The following MYL4 variants were observed in gnomAD, a reference collection of about 807,000 sequenced individuals.
MYL4 encodes atrial myosin light chain 1.
A neutral mutation model predicts 21.6 loss-of-function variants in MYL4; 16 were observed. The observed-to-expected ratio is 0.74, with a 90% CI of 0.50 to 1.12. The LOEUF is 1.12. MYL4 is among the 50% of genes most tolerant of loss of function. MYL4 has a pLI of 0.00. For synonymous variants in MYL4, 82 were observed against 95.7 expected (o/e 0.86, Z 0.83); for missense variants, 249 against 252.9 (o/e 0.98, Z 0.11).
chr17:47,214,856 G>T (rs567248235), intron 2 of MYL4, among the ~76,000 whole-genome samples: 1 of 151,978 alleles, frequency 6.6e-6, no homozygotes, highest in Non-Finnish European at 1.5e-5. Flanking sequence ...TACAGTATTT[G>T]GATATCTTTT....
rs2064842715 is a variant in MYL4, at chr17:47,219,951, A to G, written c.211A>G (p.Met71Val). ...SLFDRTPTGE[M>V]KITYGQCGDV... ...GTTTGACCGGACCCCGACTGGAGAG[A>G]TGAAGATCACCTACGGCCAGTGCGG... The change falls in exon 3 of 7, where the codon ATG (methionine) becomes GTG (valine). Residue 71 changes from methionine (M) to valine (V), a missense_variant. Physicochemically the swap from Met to Val is conservative, Grantham distance 21 (BLOSUM62 1). Coordinates refer to ENST00000393450, the MANE Select transcript of MYL4 (RefSeq NM_002476.2). 1 of 1,614,192 alleles carries G rather than the reference A, an allele frequency of 6.2e-7. No homozygotes were observed. Among genetic ancestry groups the G allele is most frequent in the East Asian group, 2.2e-5 (1 of 44,874 alleles).
chr17:47,190,390 C>G, the MYL4 span, among the ~76,000 whole-genome samples: 4 of 152,158 alleles, frequency 2.6e-5, no homozygotes, highest in Admixed American at 1.3e-4. Flanking sequence ...CCTTCTCCCC[C>G]CAAAAAGAGT....
chr17:47,225,874 T>C (rs1295203742), downstream of MYL4, among the ~76,000 whole-genome samples: 1 of 143,344 alleles, frequency 7.0e-6, no homozygotes, highest in Non-Finnish European at 1.5e-5. Context: ...TTTTTTTTTT[T>C]TGGTTTTTTA....
intron 3 of MYL4, among the ~76,000 whole-genome samples, chr17:47,221,157 G>A (rs770035329): frequency 6.6e-6 from 1 of 152,208 alleles, no homozygotes; most frequent in Non-Finnish European, 1.5e-5. Context: ...CTATTCACAA[G>A]AGAACTGTGA....
the MYL4 span, among the ~76,000 whole-genome samples, chr17:47,190,122 C>T: frequency 6.6e-6 from 1 of 152,136 alleles, no homozygotes; most frequent in African/African-American, 2.4e-5. Flanking sequence ...CATGGAAAAG[C>T]TCAATAGGCC....
chr17:47,223,704 T>G (rs906742121), downstream of MYL4: 5 of 152,322 alleles, frequency 3.3e-5, no homozygotes, highest in African/African-American at 7.2e-5. Context: ...GTTTGTTTTT[T>G]TAAAACTAAT....
At chr17:47,215,985 C>T (rs1327061639) in intron 2 of MYL4, among the ~76,000 whole-genome samples, 1 of 151,998 alleles carries the variant, frequency 6.6e-6, no homozygotes, top group African/African-American at 2.4e-5. Context: ...CGCTATTTTG[C>T]CCAGACTGGA....
At chr17:47,221,889 G>A (rs1224955151) in intron 4 of MYL4, 34 bp downstream of exon 4, 2 of 1,596,948 alleles carry the variant, frequency 1.3e-6, no homozygotes, top group East Asian at 2.2e-5. Context: ...AGACCAAGTG[G>A]GAGGAATGGA....
chr17:47,210,834 G>A (rs1454175060), intron 1 of MYL4, among the ~76,000 whole-genome samples: 1 of 152,114 alleles, frequency 6.6e-6, no homozygotes, highest in Non-Finnish European at 1.5e-5. Context: ...GAAAACACCT[G>A]CAGGTTTTCT....
At chr17:47,222,632 G>A (rs1156331421) in intron 5 of MYL4, among the ~76,000 whole-genome samples, 175 bp downstream of exon 5, 1 of 152,118 alleles carries the variant, frequency 6.6e-6, no homozygotes, top group Non-Finnish European at 1.5e-5. Context: ...AATGGCGGGA[G>A]CATGGATTTT....
intron 1 of MYL4, among the ~76,000 whole-genome samples, chr17:47,203,493 A>T (rs570456400): frequency 5.3e-5 from 8 of 152,064 alleles, no homozygotes; most frequent in African/African-American, 1.9e-4. Flanking sequence ...CTTGTTTTTT[A>T]AAAATATTTT....
At chr17:47,201,914 A>T (rs2064711063) in intron 1 of MYL4, among the ~76,000 whole-genome samples, 1 of 152,162 alleles carries the variant, frequency 6.6e-6, no homozygotes, top group African/African-American at 2.4e-5. Flanking sequence ...TAAAAATTTT[A>T]ATAATATTTA....
upstream of MYL4, among the ~76,000 whole-genome samples, chr17:47,197,286 G>A: frequency 1.3e-5 from 2 of 151,946 alleles, 1 homozygote; most frequent in East Asian, 3.8e-4. Context: ...TTTGAGTAGA[G>A]ATAGGGTTTC....
At position 47,222,852 on chromosome 17, in the gene MYL4, C is replaced by T. The variant is rs4968309; in HGVS notation, c.566-162C>T. Among the ~76,000 whole-genome samples, 95,636 of 151,828 alleles carry T rather than the reference C, an allele frequency of 0.63. 30,922 individuals carry two copies. The highest frequency in any genetic ancestry group is 0.85 in the East Asian group (4,365 of 5,142). On this transcript the variant is annotated intron_variant, in intron 5 of 6. Transcript: ENST00000393450. ...GCAGAGTCTAGGTATCTGCCCTCCA[C>T]CCACCTTCTCCCCACCAACCCCCAA...
At chr17:47,219,833 G>A (rs771211142) in intron 2 of MYL4, 71 bp from the exon 3 acceptor site, 1 of 1,580,104 alleles carries the variant, frequency 6.3e-7, no homozygotes, top group Non-Finnish European at 8.7e-7. Flanking sequence ...CAGCTTGGGT[G>A]GAGGCTGATT....
chr17:47,218,041 C>CAA (rs1200148257), intron 2 of MYL4, among the ~76,000 whole-genome samples: 18 of 61,822 alleles, frequency 2.9e-4, no homozygotes, highest in Non-Finnish European at 4.4e-4. Flanking sequence ...AACTCCATCT[C>CAA]AAAAAAAAAA....
Position 47,219,948 on chromosome 17 carries a change from G to A in MYL4, c.208G>A (p.Glu70Lys), listed in dbSNP as rs754540258. ...ATTGTTTGACCGGACCCCGACTGGA[G>A]AGATGAAGATCACCTACGGCCAGTG... ...FSLFDRTPTG[E>K]MKITYGQCGD... The change falls in exon 3 of 7, where the codon GAG becomes AAG. Residue 70 changes from glutamate (E) to lysine (K), a missense_variant. Transcript: ENST00000393450. 6.2e-7 allele frequency: 1 copy of A among 1,614,106 alleles called. No individual in the cohort carries two copies. Among genetic ancestry groups the A allele is most frequent in the African/African-American group, 1.3e-5 (1 of 74,940 alleles).
upstream of MYL4, among the ~76,000 whole-genome samples, chr17:47,208,550 TACACACACACACACACAC>T: frequency 6.9e-6 from 1 of 145,964 alleles, no homozygotes; most frequent in Admixed American, 6.9e-5. Context: ...TAGTAAGCAC[TACACACACACACACACAC>T]ACACACACAC....
At chr17:47,198,248 T>C (rs1400079357), upstream of MYL4, among the ~76,000 whole-genome samples, 1 of 152,166 alleles carries the variant, frequency 6.6e-6, no homozygotes, top group Non-Finnish European at 1.5e-5. Context: ...AAATGAGAAA[T>C]ATTCTTATCC....
Sources: allele counts gnomAD v4.1 joint callset (sites outside exome capture counted in the v4.1 genomes callset), GRCh38; gene constraint gnomAD v4.1.1; transcripts MANE v1.5; gene names NCBI Gene and HGNC (gene_info 2026-07-23, HGNC 2026-07-21).